Variants in NME1 observed in about 807,000 individuals in gnomAD.
NME1 encodes nucleoside diphosphate kinase A.
A neutral mutation model predicts 17.2 loss-of-function variants in NME1; 9 were observed. That is an observed-to-expected ratio of 0.52 (90% CI 0.32 to 0.92). The LOEUF (loss-of-function observed/expected upper bound fraction) is 0.92. NME1 is among the 40% of genes least tolerant of loss of function. The pLI is 0.04. For missense variants in NME1, 169 were observed against 201.7 expected (o/e 0.84, Z 0.98); for synonymous variants, 72 against 70.8 (o/e 1.02, Z -0.09).
intron 2 of NME1, among the ~76,000 whole-genome samples, chr17:51,159,597 A>AAAAT (rs910996317): frequency 9.2e-5 from 14 of 152,104 alleles, no homozygotes; most frequent in East Asian, 3.9e-4. Flanking sequence ...ACTCTGTCTC[A>AAAAT]AAATAAATAA....
chr17:51,155,164 C>T (rs1288674945), intron 1 of NME1, among the ~76,000 whole-genome samples: 4 of 151,178 alleles, frequency 2.6e-5, no homozygotes, highest in African/African-American at 9.8e-5. Context: ...GAATTGCTTG[C>T]CTGGGAAGTG....
chr17:51,155,818 T>C (rs749738921), intron 2 of NME1, 38 bp downstream of exon 2: 14 of 1,610,860 alleles, frequency 8.7e-6, no homozygotes, highest in Non-Finnish European at 1.2e-5. Context: ...GATTCCTTCA[T>C]AGTATAGGAG....
chr17:51,160,094 G>T lies in NME1; in HGVS notation c.228+13G>T, dbSNP rs2049843354. 1 of 1,612,968 alleles carries T rather than the reference G, an allele frequency of 6.2e-7. No homozygotes were observed. The highest frequency in any genetic ancestry group is 1.7e-5 in the Admixed American group (1 of 59,998). ...GGTAGTTGCCATGGTGAGTGTGCCTGTGTGGGATACTCCAAGTATGCATTG... is the reference window on the plus strand; with the variant it reads ...GGTAGTTGCCATGGTGAGTGTGCCTTTGTGGGATACTCCAAGTATGCATTG... On this transcript the variant is annotated intron_variant, in intron 3 of 4. Transcript: ENST00000393196.
At chr17:51,161,564 A>G (rs886802309) in intron 4 of NME1, 164 bp from the exon 5 acceptor site, 124 of 721,000 alleles carry the variant, frequency 1.7e-4, no homozygotes, top group Non-Finnish European at 2.9e-4. Flanking sequence ...TGGGGAGGGC[A>G]TTTTTCAGCC....
At chr17:51,157,337 A>G (rs1430217099) in intron 2 of NME1, among the ~76,000 whole-genome samples, 4 of 152,198 alleles carry the variant, frequency 2.6e-5, no homozygotes. Context: ...TTCTTGCTGT[A>G]TCATCCCATG....
chr17:51,160,187 C>A (rs1391943065), intron 3 of NME1, 106 bp downstream of exon 3: 1 of 1,226,446 alleles, frequency 8.2e-7, no homozygotes, highest in East Asian at 2.3e-5. Flanking sequence ...CAAATAGATA[C>A]CTGTTTTCAT....
chr17:51,160,336 T>C (rs1183816298), intron 3 of NME1: 1 of 559,190 alleles, frequency 1.8e-6, no homozygotes, highest in Admixed American at 2.5e-5. Flanking sequence ...GAAGCAGCGA[T>C]CTGAATGACA....
In NME1 at chr17:51,156,777, A is replaced by G. The variant is rs959690965; in HGVS notation, c.126+997A>G. ...CGTGGTGGCATGCGCCTGTAATCCC[A>G]GCTACTCGGGAGGCTGAGACAGGAG... On this transcript the variant is annotated intron_variant, in intron 2 of 4. Transcript: ENST00000393196. Among the ~76,000 whole-genome samples, 3 of 151,878 alleles carry G rather than the reference A, an allele frequency of 2.0e-5. No homozygotes were observed. The South Asian group carries it at 6.2e-4, about 32-fold the overall frequency.
intron 1 of NME1, chr17:51,154,157 CTCTT>C (rs2049748919): frequency 3.8e-5 from 20 of 531,502 alleles, no homozygotes; most frequent in East Asian, 1.9e-4. Context: ...TTGTCTCTCT[CTCTT>C]TTTTTTTTTT....
intron 4 of NME1, 25 bp from the exon 5 acceptor site, chr17:51,161,703 T>C (rs571447384): frequency 8.4e-6 from 13 of 1,544,054 alleles, no homozygotes; most frequent in Admixed American, 1.7e-5. Context: ...GTCTTGGTCA[T>C]GTGACTATCT....
rs755699181 is a variant in NME1, at chr17:51,161,265, G to A, written c.334G>A (p.Val112Ile). ...CATCCGTGGAGACTTCTGCATACAA[G>A]TTGGCAGGTGAGATTTTGGTATTTT... Reference protein sequence around the residue: ...GTIRGDFCIQVGRNIIHGSDS... With the variant: ...GTIRGDFCIQIGRNIIHGSDS... Residue 112 changes from valine to isoleucine, a missense_variant, in exon 4 of 5, where the codon GTT becomes ATT. Transcript: ENST00000393196. The A allele has an allele frequency of 6.2e-7, 1 of 1,607,918 alleles. No individual in the cohort carries two copies. Among genetic ancestry groups the A allele is most frequent in the Admixed American group, 1.7e-5 (1 of 58,888 alleles).
At chr17:51,155,593 A>T (rs1434604773) in intron 1 of NME1, 58 bp from the exon 2 acceptor site, 25 of 1,607,798 alleles carry the variant, frequency 1.6e-5, no homozygotes, top group Non-Finnish European at 2.1e-5. Flanking sequence ...CTTGAGACGG[A>T]TGACGCTGTA....
At chr17:51,157,226 G>T (rs921558499) in intron 2 of NME1, among the ~76,000 whole-genome samples, 1 of 152,066 alleles carries the variant, frequency 6.6e-6, no homozygotes, top group East Asian at 1.9e-4. Context: ...AGAAAAAAAA[G>T]AAAAGAAAAA....
At chr17:51,159,325 G>T (rs189590087) in intron 2 of NME1, among the ~76,000 whole-genome samples, 3 of 152,206 alleles carry the variant, frequency 2.0e-5, no homozygotes, top group Admixed American at 2.0e-4. Flanking sequence ...GTATGGCTGG[G>T]CGCGGTGGCT....
intron 1 of NME1, among the ~76,000 whole-genome samples, chr17:51,155,318 G>T (rs2049769948): frequency 6.6e-6 from 1 of 152,078 alleles, no homozygotes; most frequent in African/African-American, 2.4e-5. Context: ...GTAGGCTGAG[G>T]TGGGCAGATC....
chr17:51,159,964 C>T lies in NME1; in HGVS notation c.127-16C>T, dbSNP rs370491107. On this transcript the variant is annotated splice_polypyrimidine_tract_variant and intron_variant, in intron 2 of 4. Coordinates refer to ENST00000393196, the MANE Select transcript of NME1 (RefSeq NM_000269.3). ...ATGGTTTGGGGGTTATTCTCATTCT[C>T]TGTCCTGTTGAATAGGCTTCCGAAG... 6.2e-7 allele frequency: 1 copy of T among 1,613,896 alleles called. No individual in the cohort carries two copies. Among genetic ancestry groups the T allele is most frequent in the Non-Finnish European group, 8.5e-7 (1 of 1,179,804 alleles).
rs1284739940 is a variant in NME1, at chr17:51,155,674, C to A, written c.20C>A (p.Thr7Asn). 6.2e-7 allele frequency: 1 copy of A among 1,613,932 alleles called. No homozygotes were observed. Among genetic ancestry groups the A allele is most frequent in the Non-Finnish European group, 8.5e-7 (1 of 1,179,970 alleles). ...AGAACCATGGCCAACTGTGAGCGTACCTTCATTGCGATCAAACCAGATGGG... is the reference window on the plus strand; with the variant it reads ...AGAACCATGGCCAACTGTGAGCGTAACTTCATTGCGATCAAACCAGATGGG... MANCER[T>N]FIAIKPDGVQ... The change falls in exon 2 of 5, where the codon ACC becomes AAC. Residue 7 changes from threonine (T) to asparagine (N), a missense_variant. Transcript: ENST00000393196.
chr17:51,160,041 G>A lies in NME1; in HGVS notation c.188G>A (p.Gly63Asp). The A allele has an allele frequency of 6.2e-7, 1 of 1,614,162 alleles. No homozygotes were observed. Among genetic ancestry groups the A allele is most frequent in the Non-Finnish European group, 8.5e-7 (1 of 1,180,026 alleles). ...CTGAAGGACCGTCCATTCTTTGCCG[G>A]CCTGGTGAAATACATGCACTCAGGG... ...VDLKDRPFFA[G>D]LVKYMHSGPV... The change falls in exon 3 of 5, where the codon GGC (glycine) becomes GAC (aspartate). Residue 63 changes from glycine to aspartate, a missense_variant. Gly to Asp is a moderately conservative substitution (Grantham distance 94). Transcript: ENST00000393196.
At position 51,154,284 on chromosome 17, in the gene NME1, G is replaced by A; in HGVS notation, c.-5+622G>A. ...GGACTAAGTCAGCCTGGTGTGCAGGGGAGGCAGACACACAAACAGAAAATT... is the reference window on the plus strand; with the variant it reads ...GGACTAAGTCAGCCTGGTGTGCAGGAGAGGCAGACACACAAACAGAAAATT... On this transcript the variant is annotated intron_variant, in intron 1 of 4. Transcript: ENST00000393196. 4 of 1,174,024 alleles carry A rather than the reference G, an allele frequency of 3.4e-6. No individual in the cohort carries two copies. In the South Asian group the frequency reaches 4.9e-5, roughly 14 times the overall value. 72.7% of individuals were successfully genotyped at this position (1,174,024 alleles called of 1,614,324 possible).
Sources: allele counts gnomAD v4.1 joint callset (sites outside exome capture counted in the v4.1 genomes callset), GRCh38; gene constraint gnomAD v4.1.1; transcripts MANE v1.5; gene names NCBI Gene and HGNC (gene_info 2026-07-23, HGNC 2026-07-21).